MMP1: variants seen among roughly 807,000 people sequenced by gnomAD.
The protein encoded by MMP1 is interstitial collagenase.
Under a neutral mutation model 49.6 loss-of-function variants are expected in MMP1, and 51 were observed. The observed-to-expected ratio is 1.03, with a 90% CI of 0.82 to 1.30. MMP1 has a LOEUF of 1.30. Among genes scored for constraint, MMP1 ranks in the 50% most tolerant of loss-of-function variants. The pLI is 0.00. For synonymous variants in MMP1, 230 were observed against 196.8 expected, an observed-to-expected ratio of 1.17 and a Z score of -1.41; for missense variants, 623 against 568.7, an observed-to-expected ratio of 1.10 and a Z score of -0.97.
chr11:102,791,860 T>C (rs1157291199), intron 7 of MMP1, among the ~76,000 whole-genome samples: 1 of 152,186 alleles, frequency 6.6e-6, no homozygotes, highest in East Asian at 1.9e-4. Context: ...GTTCAAACCA[T>C]TTGTATCATA....
intron 1 of MMP1, 56 bp from the exon 2 acceptor site, chr11:102,797,556 A>T (rs1216625966): frequency 6.3e-7 from 1 of 1,597,072 alleles, no homozygotes; most frequent in Non-Finnish European, 8.5e-7. Flanking sequence ...ATTATTCTAA[A>T]AATTGATGGC....
Position 102,795,355 on chromosome 11 carries a change from A to G in MMP1, c.782-64T>C. 6 of 1,604,792 alleles carry G rather than the reference A, an allele frequency of 3.7e-6. No homozygotes were observed. The South Asian group carries it at 5.5e-5, about 15-fold the overall frequency. On this transcript the variant is annotated intron_variant, in intron 5 of 9. Coordinates refer to ENST00000315274, the MANE Select transcript of MMP1 (RefSeq NM_002421.4). ...TATTAGAAAACTACATAAACAATGAAGACAGCTTCTTCAAGGATATCGCTA... is the reference window on the plus strand; with the variant it reads ...TATTAGAAAACTACATAAACAATGAGGACAGCTTCTTCAAGGATATCGCTA...
At position 102,792,709 on chromosome 11, in the gene MMP1, G is replaced by A. The variant is rs763801001; in HGVS notation, c.929C>T (p.Pro310Leu). The change falls in exon 7 of 10, where the codon CCG becomes CTG. Residue 310 changes from proline to leucine, a missense_variant. Pro to Leu is a moderately conservative substitution (Grantham distance 98). Transcript: ENST00000315274. ...AGAAATGAAATTGAGCTCAACTTCC[G>A]GGTAGAAGGGATTTGTGCGCATGTA... ...RFYMRTNPFYPEVELNFISVF... is the reference protein window; with the variant it reads ...RFYMRTNPFYLEVELNFISVF... 31 of 1,613,500 alleles carry A rather than the reference G, an allele frequency of 1.9e-5. No homozygotes were observed. Among genetic ancestry groups the A allele is most frequent in the Admixed American group, 1.7e-4 (10 of 59,966 alleles).
chr11:102,790,521 C>A lies in MMP1; in HGVS notation c.1301G>T (p.Gly434Val), dbSNP rs181629882. Reference protein sequence around the residue: ...HKVDAVFMKDGFFYFFHGTRQ... With the variant: ...HKVDAVFMKDVFFYFFHGTRQ... ...TGTTCCATGAAAGAAATAGAAAAATCCTAGAAACAAAACAAAAGAGACTTA... is the reference window on the plus strand; with the variant it reads ...TGTTCCATGAAAGAAATAGAAAAATACTAGAAACAAAACAAAAGAGACTTA... The change falls in exon 10 of 10, where the codon GGA becomes GTA. Residue 434 changes from glycine to valine, a missense_variant and splice_region_variant. Physicochemically the swap from Gly to Val is moderately radical, Grantham distance 109. Transcript: ENST00000315274. 2.5e-5 allele frequency: 39 copies of A among 1,568,358 alleles called. No homozygotes were observed. The highest frequency in any genetic ancestry group is 3.1e-5 in the Non-Finnish European group (36 of 1,148,026).
Position 102,796,997 on chromosome 11 carries a change from C to T in MMP1, c.499+17G>A, listed in dbSNP as rs1858211230. ...CTAGGGGCAAGGTGAGGTTAAGGTG[C>T]TATAAGAAGAACTTACCTCCCCTGA... On this transcript the variant is annotated intron_variant, in intron 3 of 9. Transcript: ENST00000315274. 4 of 1,607,884 alleles carry T rather than the reference C, an allele frequency of 2.5e-6. No homozygotes were observed. The South Asian group carries it at 3.3e-5, about 13-fold the overall frequency.
At chr11:102,792,915 C>T (rs1047635244) in intron 6 of MMP1, among the ~76,000 whole-genome samples, 177 bp from the exon 7 acceptor site, 1 of 152,060 alleles carries the variant, frequency 6.6e-6, no homozygotes, top group African/African-American at 2.4e-5. Context: ...GCTTGAAATA[C>T]TCCCATTATG....
intron 9 of MMP1, 72 bp downstream of exon 9, chr11:102,790,631 C>T (rs568818102): frequency 7.4e-7 from 1 of 1,356,720 alleles, no homozygotes; most frequent in Non-Finnish European, 1.1e-6. Flanking sequence ...TTGGCATTTG[C>T]TGTTCCAACT....
chr11:102,792,223 G>C (rs936444197), intron 7 of MMP1, among the ~76,000 whole-genome samples: 1 of 152,180 alleles, frequency 6.6e-6, no homozygotes, highest in Non-Finnish European at 1.5e-5. Context: ...TGAGTCAAAT[G>C]TCTTACTCAT....
chr11:102,792,875 G>A, intron 6 of MMP1, 137 bp from the exon 7 acceptor site: 2 of 783,928 alleles, frequency 2.6e-6, no homozygotes, highest in Non-Finnish European at 4.1e-6. Context: ...CCAAAGAAGG[G>A]TTGGTTTATA....
chr11:102,792,012 C>T (rs745544961), intron 7 of MMP1, among the ~76,000 whole-genome samples: 6 of 152,202 alleles, frequency 3.9e-5, no homozygotes, highest in Non-Finnish European at 7.3e-5. Flanking sequence ...GTAAGCCCCT[C>T]ATCACATAAA....
At chr11:102,797,662 A>G (rs879715416) in intron 1 of MMP1, among the ~76,000 whole-genome samples, 162 bp from the exon 2 acceptor site, 10 of 152,194 alleles carry the variant, frequency 6.6e-5, no homozygotes, top group Non-Finnish European at 1.2e-4. Context: ...ATGAAATTTC[A>G]GAGTAGAAAT....
chr11:102,795,538 A>G lies in MMP1; in HGVS notation c.695T>C (p.Ile232Thr), dbSNP rs1381864926. Residue 232 changes from isoleucine (I) to threonine (T), a missense_variant, in exon 5 of 10, where the codon ATC (isoleucine) becomes ACC (threonine). Physicochemically the swap from Ile to Thr is moderately conservative, Grantham distance 89. Coordinates refer to ENST00000315274, the MANE Select transcript of MMP1 (RefSeq NM_002421.4). ...HSLGLSHSTD[I>T]GALMYPSYTF... ...GTAGCTAGGGTACATCAAAGCCCCG[A>G]TATCAGTAGAATGGGAGAGTCCAAG... 1 of 1,613,984 alleles carries G rather than the reference A, an allele frequency of 6.2e-7. No homozygotes were observed.
intron 6 of MMP1, 79 bp downstream of exon 6, chr11:102,795,095 T>C (rs1262013621): frequency 9.0e-7 from 1 of 1,113,644 alleles, no homozygotes; most frequent in African/African-American, 1.5e-5. Flanking sequence ...AAGTAACATG[T>C]GAAGCATAAT....
rs768064078 is a variant in MMP1, at chr11:102,798,060, C to T, written c.33G>A (p.Leu11=). Residue 11 remains leucine (L), a synonymous_variant, in exon 1 of 10, where the codon CTG becomes CTA. Transcript: ENST00000315274. MHSFPPLLLL[L]FWGVVSHSFP... ...AGCTGTGAGACACCACACCCCAGAA[C>T]AGCAGCAGCAGCAGTGGAGGAAAGC... is the stretch of plus-strand genomic sequence containing the variant. The T allele has an allele frequency of 2.7e-5, 43 of 1,582,402 alleles. No homozygotes were observed. Among genetic ancestry groups the T allele is most frequent in the Non-Finnish European group, 3.7e-5 (43 of 1,160,320 alleles).
chr11:102,793,573 A>T (rs965927385), intron 6 of MMP1, among the ~76,000 whole-genome samples: 1 of 152,176 alleles, frequency 6.6e-6, no homozygotes, highest in Non-Finnish European at 1.5e-5. Context: ...GATTACTTAC[A>T]ACACACCAGG....
chr11:102,792,692 A>T lies in MMP1; in HGVS notation c.946T>A (p.Phe316Ile). 1 of 1,613,880 alleles carries T rather than the reference A, an allele frequency of 6.2e-7. No individual in the cohort carries two copies. The highest frequency in any genetic ancestry group is 1.1e-5 in the South Asian group (1 of 91,034). ...NPFYPEVELN[F>I]ISVFWPQLPN... The stretch of plus-strand genomic sequence containing the variant: ...AGTTGTGGCCAGAAAACAGAAATGA[A>T]ATTGAGCTCAACTTCCGGGTAGAAG... The change falls in exon 7 of 10, where the codon TTC becomes ATC. Residue 316 changes from phenylalanine (F) to isoleucine (I), a missense_variant. Transcript: ENST00000315274.
chr11:102,795,690 A>G, intron 4 of MMP1, 83 bp from the exon 5 acceptor site: 3 of 1,158,462 alleles, frequency 2.6e-6, no homozygotes, highest in East Asian at 2.6e-5. Context: ...ATTTACAACT[A>G]CAAGGACTCA....
chr11:102,795,233 A>ACTGT lies in MMP1; in HGVS notation c.836_839dup (p.Ser280ArgfsTer3). On this transcript the variant is annotated frameshift_variant, in exon 6 of 10. Transcript: ENST00000315274. LOFTEE classifies it high-confidence loss of function. ...TAGTTATAGCATCAAAGGTTAGCTT[A>ACTGT]CTGTCACACGCTTTTGGGGTTTGTG... 1.2e-6 allele frequency: 2 copies of ACTGT among 1,614,136 alleles called. No individual in the cohort carries two copies. The highest frequency in any genetic ancestry group is 1.7e-6 in the Non-Finnish European group (2 of 1,180,018).
chr11:102,797,147 C>G lies in MMP1; in HGVS notation c.366G>C (p.Thr122=). The G allele has an allele frequency of 2.5e-6, 4 of 1,614,074 alleles. No homozygotes were observed. Among genetic ancestry groups the G allele is most frequent in the Non-Finnish European group, 3.4e-6 (4 of 1,179,976 alleles). ...THLTYRIENY[T]PDLPRADVDH... is the part of the protein sequence containing the mutation. ...CCACATCTGCTCTTGGCAAATCTGG[C>G]GTGTAATTTTCAATCCTTAGAATGA... Residue 122 remains threonine, a synonymous_variant, in exon 3 of 10, where the codon ACG becomes ACC. Transcript: ENST00000315274.
Sources: allele counts gnomAD v4.1 joint callset (sites outside exome capture counted in the v4.1 genomes callset), GRCh38; gene constraint gnomAD v4.1.1; transcripts MANE v1.5; gene names NCBI Gene and HGNC (gene_info 2026-07-23, HGNC 2026-07-21).